Variants in HDX observed in about 807,000 individuals in gnomAD.
HDX encodes highly divergent homeobox.
In HDX, 19 loss-of-function variants were observed where a neutral mutation model predicts 45.2. The ratio of observed to expected loss-of-function variants is 0.42; its 90% confidence interval spans 0.29 to 0.62. HDX has a LOEUF of 0.62. Among genes scored for constraint, HDX ranks in the 20% least tolerant of loss-of-function variants. The pLI is 0.20. For synonymous variants in HDX, 188 were observed against 172.8 expected (o/e 1.09, Z -0.69); for missense variants, 532 against 493.9 (o/e 1.08, Z -0.73).
At chrX:84,377,676 A>G (rs2038088613) in intron 5 of HDX, among the ~76,000 whole-genome samples, 1 of 111,133 alleles carries the variant, frequency 9.0e-6, no homozygotes, top group African/African-American at 3.3e-5. Context: ...GAGCTTGAAG[A>G]CATGTTATTT....
chrX:84,470,540 C>T (rs1931276651), intron 3 of HDX, among the ~76,000 whole-genome samples: 1 of 111,310 alleles, frequency 9.0e-6, no homozygotes, highest in African/African-American at 3.3e-5. Context: ...TGTTTGTTTT[C>T]AGTTTGTCAC....
rs1364708972 is a variant in HDX at position 84,364,320 on chromosome X, AGTGT to A, written c.1306-2712_1306-2709del. ...ACAAATCTAAACTTTTCCACTTAAT[AGTGT>A]GTGTTAGAGATTTTTCTAAATAATC... On this transcript the variant is annotated intron_variant, in intron 5 of 10. Transcript: ENST00000373177. Among the ~76,000 whole-genome samples the A allele has an allele frequency of 6.4e-5, 7 of 109,869 alleles. No homozygotes were observed. The East Asian group carries it at 1.7e-3, about 27-fold the overall frequency.
intron 9 of HDX, among the ~76,000 whole-genome samples, chrX:84,327,261 T>G (rs967815320): frequency 2.7e-5 from 3 of 111,863 alleles, no homozygotes; most frequent in African/African-American, 9.7e-5. Flanking sequence ...AACTGTAAAC[T>G]TAGGTGGGAG....
chrX:84,449,001 A>G (rs2039938237), intron 4 of HDX, among the ~76,000 whole-genome samples: 1 of 108,686 alleles, frequency 9.2e-6, no homozygotes. Flanking sequence ...AAAATCTAAA[A>G]AATTCATGGA....
intron 9 of HDX, among the ~76,000 whole-genome samples, chrX:84,329,295 G>T (rs540098512): frequency 5.4e-5 from 6 of 111,657 alleles, no homozygotes; most frequent in South Asian, 3.7e-4. Context: ...TGGCCAAGAG[G>T]GGGGGTTCAT....
intron 6 of HDX, among the ~76,000 whole-genome samples, chrX:84,353,934 C>T (rs1241266030): frequency 9.0e-6 from 1 of 111,713 alleles, no homozygotes; most frequent in Admixed American, 9.5e-5. Flanking sequence ...GGTATTGTTT[C>T]CAGTTCTTTG....
chrX:84,500,653 A>G (rs1038675370), intron 1 of HDX, among the ~76,000 whole-genome samples: 2 of 111,346 alleles, frequency 1.8e-5, no homozygotes, highest in Non-Finnish European at 3.8e-5. Flanking sequence ...AGTGGGTAAG[A>G]TGTGAATTAT....
chrX:84,414,364 C>G (rs1375762804), intron 5 of HDX, among the ~76,000 whole-genome samples: 1 of 111,574 alleles, frequency 9.0e-6, no homozygotes, highest in Non-Finnish European at 1.9e-5. Flanking sequence ...CACTGACTGG[C>G]TGGATCTTCA....
chrX:84,375,730 T>A (rs2147888936), intron 5 of HDX, among the ~76,000 whole-genome samples: 1 of 103,385 alleles, frequency 9.7e-6, no homozygotes, highest in Admixed American at 1.1e-4. Context: ...AACATCAAAC[T>A]CTGGGGACTG....
chrX:84,354,970 TATAC>T (rs1462245648), intron 6 of HDX, among the ~76,000 whole-genome samples: 14 of 72,750 alleles, frequency 1.9e-4, no homozygotes, highest in African/African-American at 7.3e-4. Context: ...TATATATATA[TATAC>T]ACATACATAC....
chrX:84,436,922 A>G (rs1405596476), intron 5 of HDX, among the ~76,000 whole-genome samples: 1 of 109,488 alleles, frequency 9.1e-6, no homozygotes, highest in Non-Finnish European at 1.9e-5. Context: ...GATCTGTCCA[A>G]TACTGAGAGT....
intron 6 of HDX, among the ~76,000 whole-genome samples, chrX:84,354,330 A>G (rs1167424291): frequency 9.0e-6 from 1 of 111,643 alleles, no homozygotes; most frequent in Non-Finnish European, 1.9e-5. Context: ...ATATGAAGCT[A>G]TATTCCAAAC....
chrX:84,398,240 G>C (rs149597135), intron 5 of HDX, among the ~76,000 whole-genome samples: 1 of 111,086 alleles, frequency 9.0e-6, no homozygotes, highest in African/African-American at 3.3e-5. Flanking sequence ...AACCTTAAAT[G>C]TAAATGGGCC....
At chrX:84,441,348 G>A (rs1210096683) in intron 4 of HDX, among the ~76,000 whole-genome samples, 1 of 111,292 alleles carries the variant, frequency 9.0e-6, no homozygotes, top group Non-Finnish European at 1.9e-5. Flanking sequence ...TGTAAACTCA[G>A]CACTGACTAA....
intron 6 of HDX, among the ~76,000 whole-genome samples, chrX:84,349,538 T>C (rs1050143237): frequency 1.9e-4 from 18 of 93,159 alleles, no homozygotes; most frequent in East Asian, 7.2e-4. Context: ...TATATATATA[T>C]ACACACATAC....
At chrX:84,462,162 A>G (rs1196942003) in intron 4 of HDX, among the ~76,000 whole-genome samples, 4 of 111,943 alleles carry the variant, frequency 3.6e-5, no homozygotes, top group African/African-American at 1.3e-4. Flanking sequence ...CAATAAAGGT[A>G]TCAGTATTTA....
intron 6 of HDX, among the ~76,000 whole-genome samples, chrX:84,360,291 A>C (rs755820584): frequency 8.9e-6 from 1 of 111,902 alleles, no homozygotes; most frequent in Non-Finnish European, 1.9e-5. Context: ...AGATGCTGGC[A>C]AGGCTGTGGA....
chrX:84,480,112 G>A lies in HDX; in HGVS notation c.1-4715C>T, dbSNP rs150096742. 8.5e-3 allele frequency among the ~76,000 whole-genome samples: 942 copies of A among 111,127 alleles called. 11 individuals carry two copies. Among genetic ancestry groups the A allele is most frequent in the African/African-American group, 0.029 (899 of 30,628 alleles). ...AATACCTATATATTTTCTGTTTTAG[G>A]GGGGTTATTATTGTAAATTGTATTT... On this transcript the variant is annotated intron_variant, in intron 2 of 10. Transcript: ENST00000373177.
At chrX:84,399,248 A>AC (rs750786298) in intron 5 of HDX, among the ~76,000 whole-genome samples, 4,373 of 102,176 alleles carry the variant, frequency 0.043, 86 homozygotes, top group African/African-American at 0.07. Context: ...AGAGACACAA[A>AC]CCCCCCCCCA....
Sources: allele counts gnomAD v4.1 joint callset (sites outside exome capture counted in the v4.1 genomes callset), GRCh38; gene constraint gnomAD v4.1.1; transcripts MANE v1.5; gene names NCBI Gene and HGNC (gene_info 2026-07-23, HGNC 2026-07-21).